The following PITPNC1 variants were observed in gnomAD, a reference collection of about 807,000 sequenced individuals.
The protein encoded by PITPNC1 is phosphatidylinositol transfer protein cytoplasmic 1, also known as cytoplasmic phosphatidylinositol transfer protein 1.
Under a neutral mutation model 44.7 loss-of-function variants are expected in PITPNC1, and 18 were observed. The ratio of observed to expected loss-of-function variants is 0.40; its 90% CI spans 0.28 to 0.60. The LOEUF (loss-of-function observed/expected upper bound fraction) is 0.60, where lower values mean the gene tolerates loss of function less well. Ranked by LOEUF, PITPNC1 falls within the 20% of genes least tolerant of loss-of-function variation. The probability of loss-of-function intolerance (pLI) is 0.39; values close to 1 mark genes in which losing one functional copy is unlikely to be tolerated. For synonymous variants in PITPNC1, 141 were observed against 149.6 expected (o/e 0.94, Z 0.42); for missense variants, 290 against 418.4 (o/e 0.69, Z 2.68).
intron 5 of PITPNC1, among the ~76,000 whole-genome samples, chr17:67,596,401 AAAGT>A (rs1197902413): frequency 6.6e-6 from 1 of 152,214 alleles, no homozygotes; most frequent in East Asian, 1.9e-4. Context: ...CTTTAAAAAA[AAAGT>A]GATCCTTGGT....
At chr17:67,496,561 A>G (rs981225805) in intron 1 of PITPNC1, among the ~76,000 whole-genome samples, 4 of 151,846 alleles carry the variant, frequency 2.6e-5, no homozygotes, top group African/African-American at 9.7e-5. Flanking sequence ...TCACAGTTCC[A>G]CTCTTGAGAA....
intron 1 of PITPNC1, among the ~76,000 whole-genome samples, chr17:67,409,753 G>C (rs1339368248): frequency 6.6e-6 from 1 of 151,836 alleles, no homozygotes; most frequent in African/African-American, 2.4e-5. Context: ...GTCCAGGCTG[G>C]TCTCAAACTC....
intron 5 of PITPNC1, among the ~76,000 whole-genome samples, chr17:67,585,948 A>G (rs1156444222): frequency 6.6e-6 from 1 of 152,174 alleles, no homozygotes. Context: ...GAGCTGTGAG[A>G]CAATTAATTA....
chr17:67,472,332 TAAAAAAAAAAAAAAAAAA>T lies in PITPNC1; in HGVS notation c.49-60455_49-60438del, dbSNP rs751090662. Reference sequence around the variant, plus strand: ...ATTAACACTATGACAGCTGTTGAGCTAAAAAAAAAAAAAAAAAAAAAAAAAAAAAAAAGGACCGGGTGC... The same window carrying T: ...ATTAACACTATGACAGCTGTTGAGCTAAAAAAAAAAAAAAGGACCGGGTGC... On this transcript the variant is annotated intron_variant, in intron 1 of 8. Coordinates refer to ENST00000581322, the MANE Select transcript of PITPNC1 (RefSeq NM_012417.4). 7.0e-3 allele frequency among the ~76,000 whole-genome samples: 292 copies of T among 41,462 alleles called. 7 individuals are homozygous for T. The highest frequency in any genetic ancestry group is 3.7e-3 in the Non-Finnish European group (94 of 25,120). The allele number at this position is 41,462 out of a possible 152,430, so 27.2% of individuals were successfully genotyped here.
At position 67,610,395 on chromosome 17, in the gene PITPNC1, G is replaced by A. The variant is rs144887743; in HGVS notation, c.367-21748G>A. 1.5e-3 allele frequency among the ~76,000 whole-genome samples: 235 copies of A among 152,286 alleles called. 1 individual carries two copies. The highest frequency in any genetic ancestry group is 9.8e-4 in the Non-Finnish European group (67 of 68,022). On this transcript the variant is annotated intron_variant, in intron 5 of 8. Transcript: ENST00000581322. Reference sequence around the variant, plus strand: ...AATAATCTCTGATTCAAGGGATTCCGCTCCGAAAATTACATTGGAAATTGT... The same window carrying A: ...AATAATCTCTGATTCAAGGGATTCCACTCCGAAAATTACATTGGAAATTGT...
intron 5 of PITPNC1, among the ~76,000 whole-genome samples, chr17:67,631,792 C>T (rs1044329782): frequency 2.7e-5 from 4 of 149,706 alleles, no homozygotes; most frequent in African/African-American, 9.8e-5. Context: ...AACCTCTTTA[C>T]TCCTCCTGTT....
chr17:67,506,712 C>T (rs8073921), intron 1 of PITPNC1, among the ~76,000 whole-genome samples: 2,138 of 152,006 alleles, frequency 0.014, 42 homozygotes, highest in African/African-American at 0.049. Context: ...AATTGGAAAT[C>T]GATTAAATTA....
At chr17:67,476,186 TTC>T (rs2039623288) in intron 1 of PITPNC1, among the ~76,000 whole-genome samples, 1 of 130,374 alleles carries the variant, frequency 7.7e-6, no homozygotes, top group Non-Finnish European at 1.7e-5. Context: ...TTTCTTTCTT[TTC>T]TTTTTTTTTT....
intron 1 of PITPNC1, among the ~76,000 whole-genome samples, chr17:67,495,586 C>T (rs751547223): frequency 5.8e-4 from 88 of 152,078 alleles, no homozygotes; most frequent in Admixed American, 2.0e-4. Context: ...TCTTTGTGTC[C>T]GTGTGTTCTC....
intron 1 of PITPNC1, among the ~76,000 whole-genome samples, chr17:67,391,987 T>C (rs533412733): frequency 6.6e-6 from 1 of 152,270 alleles, no homozygotes; most frequent in East Asian, 1.9e-4. Flanking sequence ...TCTTCGAAAA[T>C]AACTTTTGTA....
intron 1 of PITPNC1, among the ~76,000 whole-genome samples, chr17:67,448,419 G>A (rs2039130597): frequency 6.6e-6 from 1 of 152,172 alleles, no homozygotes; most frequent in South Asian, 2.1e-4. Context: ...GAGAACTGGG[G>A]CAGCTTCCCT....
At chr17:67,499,375 C>T (rs1568015432) in intron 1 of PITPNC1, among the ~76,000 whole-genome samples, 2 of 151,434 alleles carry the variant, frequency 1.3e-5, no homozygotes, top group Non-Finnish European at 3.0e-5. Context: ...CCACCATGCC[C>T]GTGTAATTTT....
chr17:67,393,391 C>G (rs943124490), intron 1 of PITPNC1, among the ~76,000 whole-genome samples: 6 of 151,736 alleles, frequency 4.0e-5, no homozygotes, highest in Non-Finnish European at 8.8e-5. Context: ...TTTGACTACT[C>G]TAGGTATCTG....
chr17:67,399,341 T>C (rs1238506246), intron 1 of PITPNC1, among the ~76,000 whole-genome samples: 1 of 152,100 alleles, frequency 6.6e-6, no homozygotes. Context: ...TTGTTCTCAG[T>C]TGGTCGTTGT....
intron 6 of PITPNC1, among the ~76,000 whole-genome samples, chr17:67,652,012 C>T (rs2042214624): frequency 6.6e-6 from 1 of 152,198 alleles, no homozygotes; most frequent in African/African-American, 2.4e-5. Context: ...ATGTGTTGTT[C>T]ATCCATCCCT....
intron 1 of PITPNC1, among the ~76,000 whole-genome samples, chr17:67,471,947 TG>T (rs980979883): frequency 8.5e-5 from 13 of 152,132 alleles, no homozygotes; most frequent in African/African-American, 2.7e-4. Context: ...TGTCTCTCCT[TG>T]TTTTTTTATG....
chr17:67,622,468 T>A (rs1221255010), intron 5 of PITPNC1, among the ~76,000 whole-genome samples: 1 of 149,282 alleles, frequency 6.7e-6, no homozygotes, highest in Non-Finnish European at 1.5e-5. Context: ...ATGTTCTCAG[T>A]GAGATGACCC....
At chr17:67,493,760 C>T (rs1183023420) in intron 1 of PITPNC1, among the ~76,000 whole-genome samples, 1 of 152,166 alleles carries the variant, frequency 6.6e-6, no homozygotes, top group East Asian at 1.9e-4. Context: ...GGGATGGTAG[C>T]AACCTAGCTA....
intron 8 of PITPNC1, among the ~76,000 whole-genome samples, chr17:67,685,034 G>A (rs2042787253): frequency 6.6e-6 from 1 of 152,234 alleles, no homozygotes; most frequent in Admixed American, 6.5e-5. Context: ...CATATGTGTA[G>A]AGAAACTTCT....
Sources: allele counts gnomAD v4.1 joint callset (sites outside exome capture counted in the v4.1 genomes callset), GRCh38; gene constraint gnomAD v4.1.1; transcripts MANE v1.5; gene names NCBI Gene and HGNC (gene_info 2026-07-23, HGNC 2026-07-21).